Variants in DCBLD2 observed in about 807,000 individuals in gnomAD.
DCBLD2 encodes discoidin, CUB and LCCL domain-containing protein 2.
In DCBLD2, 54 loss-of-function variants were observed where a neutral mutation model predicts 86.8. The observed-to-expected ratio is 0.62, with a 90% CI of 0.50 to 0.78. DCBLD2 has a LOEUF of 0.78. Ranked by LOEUF, DCBLD2 falls within the 30% of genes least tolerant of loss-of-function variation. The pLI is 0.00. For missense variants in DCBLD2, 908 were observed against 954.2 expected (o/e 0.95, Z 0.64); for synonymous variants, 354 against 341.3 (o/e 1.04, Z -0.41).
intron 2 of DCBLD2, among the ~76,000 whole-genome samples, chr3:98,871,003 T>C (rs1943272748): frequency 6.6e-6 from 1 of 150,928 alleles, no homozygotes; most frequent in Non-Finnish European, 1.5e-5. Context: ...TTTCACCTCT[T>C]TGGTTAAGTA....
intron 2 of DCBLD2, among the ~76,000 whole-genome samples, chr3:98,874,170 T>C (rs149239354): frequency 5.9e-4 from 90 of 152,280 alleles, no homozygotes; most frequent in African/African-American, 2.0e-3. Flanking sequence ...AAAACTAGAT[T>C]GTTCAAATTC....
intron 1 of DCBLD2, among the ~76,000 whole-genome samples, chr3:98,891,200 G>C (rs1186413557): frequency 6.6e-6 from 1 of 151,366 alleles, no homozygotes; most frequent in Non-Finnish European, 1.5e-5. Flanking sequence ...GGGAGAAGGA[G>C]AGAGGGAGAG....
At chr3:98,881,484 A>C in intron 2 of DCBLD2, 56 bp downstream of exon 2, 1 of 1,472,250 alleles carries the variant, frequency 6.8e-7, no homozygotes, top group Admixed American at 1.7e-5. Context: ...TATCAAAAAA[A>C]TACATCATTG....
intron 1 of DCBLD2, among the ~76,000 whole-genome samples, chr3:98,889,422 A>G (rs1394770812): frequency 6.6e-6 from 1 of 151,966 alleles, no homozygotes; most frequent in African/African-American, 2.4e-5. Context: ...AGATGACCTG[A>G]AACTTGGAAA....
In DCBLD2 at chr3:98,867,673, A is replaced by G. The variant is rs149515837; in HGVS notation, c.433+13867T>C. Among the ~76,000 whole-genome samples, 1,066 of 152,388 alleles carry G rather than the reference A, an allele frequency of 7.0e-3. 7 individuals carry two copies. The highest frequency in any genetic ancestry group is 0.019 in the African/African-American group (796 of 41,586). ...AAAAAAATCCTCATGGTCACTGTAC[A>G]AAAACCAAATACCTTATAATGGCAG... On this transcript the variant is annotated intron_variant, in intron 2 of 15. Coordinates refer to ENST00000326840, the MANE Select transcript of DCBLD2 (RefSeq NM_080927.4).
At chr3:98,888,822 T>C (rs1420150167) in intron 1 of DCBLD2, among the ~76,000 whole-genome samples, 1 of 152,020 alleles carries the variant, frequency 6.6e-6, no homozygotes, top group Admixed American at 6.6e-5. Flanking sequence ...CCCAATGACC[T>C]CTACTGCAGT....
intron 2 of DCBLD2, among the ~76,000 whole-genome samples, chr3:98,855,297 TAC>T (rs1190458913): frequency 1.3e-5 from 2 of 152,190 alleles, no homozygotes; most frequent in Non-Finnish European, 2.9e-5. Flanking sequence ...ATGCCATCAG[TAC>T]ACACACACCA....
intron 3 of DCBLD2, among the ~76,000 whole-genome samples, chr3:98,839,555 A>G (rs1942581592): frequency 6.6e-6 from 1 of 152,232 alleles, no homozygotes; most frequent in South Asian, 2.1e-4. Context: ...CATATGTAGC[A>G]TATCTGTATT....
At chr3:98,870,660 G>GAA (rs1193897451) in intron 2 of DCBLD2, among the ~76,000 whole-genome samples, 1 of 147,164 alleles carries the variant, frequency 6.8e-6, no homozygotes, top group Non-Finnish European at 1.5e-5. Context: ...TAGAGAAAGA[G>GAA]AGAGAGAGAG....
intron 6 of DCBLD2, 29 bp downstream of exon 6, chr3:98,822,199 T>C (rs776010715): frequency 1.2e-5 from 20 of 1,612,088 alleles, no homozygotes; most frequent in Admixed American, 1.7e-5. Flanking sequence ...ATATATAGCA[T>C]ATATTTTTTA....
chr3:98,836,897 G>C (rs1455875390), intron 3 of DCBLD2, among the ~76,000 whole-genome samples: 223 of 44,310 alleles, frequency 5.0e-3, no homozygotes, highest in East Asian at 9.8e-3. Flanking sequence ...CCCTCCCGGA[G>C]GGGGCGGCTG....
rs1941605237 is a variant in DCBLD2 at position 98,796,669 on chromosome 3, G to GAACTT, written c.*2698_*2702dup. ...ATGCAAAGTGCAAACAGTGAAACAT[G>GAACTT]AACTTAAATAAACTGGACTAGACCC... On this transcript the variant is annotated 3_prime_UTR_variant, in exon 16 of 16. Coordinates refer to ENST00000326840, the MANE Select transcript of DCBLD2 (RefSeq NM_080927.4). 1 of 152,580 alleles carries GAACTT rather than the reference G, an allele frequency of 6.6e-6. No homozygotes were observed. The allele number at this position is 152,580 out of a possible 1,614,324, so 9.5% of individuals were successfully genotyped here. A position where few individuals can be genotyped will look rare whatever the true frequency, so the allele number is the denominator to read the frequency against.
chr3:98,862,453 C>T lies in DCBLD2; in HGVS notation c.434-12855G>A, dbSNP rs567574275. 7.9e-5 allele frequency among the ~76,000 whole-genome samples: 12 copies of T among 152,118 alleles called. No individual in the cohort carries two copies. In the South Asian group the frequency reaches 1.0e-3, roughly 13 times the overall value. ...TTAGACCAATATCCCTGATGAACAT[C>T]GATGCAAAAATCCTCAATAAAATAC... is the stretch of plus-strand genomic sequence containing the variant. On this transcript the variant is annotated intron_variant, in intron 2 of 15. Coordinates refer to ENST00000326840, the MANE Select transcript of DCBLD2 (RefSeq NM_080927.4).
rs1354630946 is a variant in DCBLD2 at position 98,844,051 on chromosome 3, C to G, written c.571+5410G>C. 2.0e-5 allele frequency among the ~76,000 whole-genome samples: 3 copies of G among 151,582 alleles called. No homozygotes were observed. The East Asian group carries it at 5.8e-4, about 29-fold the overall frequency. ...TCATGCATGCACACACACACACACACACACACACACACCCCAATTATGGTA... is the reference window on the plus strand; with the variant it reads ...TCATGCATGCACACACACACACACAGACACACACACACCCCAATTATGGTA... On this transcript the variant is annotated intron_variant, in intron 3 of 15. Coordinates refer to ENST00000326840, the MANE Select transcript of DCBLD2 (RefSeq NM_080927.4).
intron 2 of DCBLD2, among the ~76,000 whole-genome samples, chr3:98,860,959 T>C (rs1016923514): frequency 2.6e-5 from 4 of 152,180 alleles, no homozygotes; most frequent in Non-Finnish European, 5.9e-5. Flanking sequence ...GACTCATCAG[T>C]GTGCTGTATT....
chr3:98,817,673 T>G, intron 9 of DCBLD2, 96 bp downstream of exon 9: 1 of 1,263,812 alleles, frequency 7.9e-7, no homozygotes, highest in Non-Finnish European at 1.1e-6. Context: ...TAAGACATTC[T>G]AAACTTCTAC....
intron 1 of DCBLD2, among the ~76,000 whole-genome samples, chr3:98,895,972 AATTC>A (rs1161457830): frequency 6.6e-6 from 1 of 152,194 alleles, no homozygotes; most frequent in Non-Finnish European, 1.5e-5. Context: ...GATCCCAGGC[AATTC>A]AGTTTTGAAG....
At chr3:98,807,027 A>C (rs1941852643) in intron 13 of DCBLD2, among the ~76,000 whole-genome samples, 1 of 152,130 alleles carries the variant, frequency 6.6e-6, no homozygotes, top group African/African-American at 2.4e-5. Context: ...ATCTTTGTAC[A>C]ATCATCTGAC....
At chr3:98,895,540 C>T (rs950259237) in intron 1 of DCBLD2, 12 of 152,314 alleles carry the variant, frequency 7.9e-5, no homozygotes, top group Admixed American at 7.8e-4. Flanking sequence ...TCTGCTGTTC[C>T]TTGTGGACAA....
Sources: allele counts gnomAD v4.1 joint callset (sites outside exome capture counted in the v4.1 genomes callset), GRCh38; gene constraint gnomAD v4.1.1; transcripts MANE v1.5; gene names NCBI Gene and HGNC (gene_info 2026-07-23, HGNC 2026-07-21).